COL25A1: variants seen among roughly 807,000 people sequenced by gnomAD.
The protein encoded by COL25A1 is collagen alpha-1(XXV) chain.
In COL25A1, 103 loss-of-function variants were observed where a neutral mutation model predicts 128.4. That is an observed-to-expected ratio of 0.80 (90% confidence interval 0.68 to 0.94). The LOEUF is 0.94. Ranked by LOEUF, COL25A1 falls within the 40% of genes least tolerant of loss-of-function variation. The pLI is 0.00. For synonymous variants in COL25A1, 279 were observed against 277.2 expected (o/e 1.01, Z -0.06); for missense variants, 745 against 840.0 (o/e 0.89, Z 1.40).
chr4:108,906,212 G>GC (rs1385387425), intron 13 of COL25A1, among the ~76,000 whole-genome samples: 1 of 152,000 alleles, frequency 6.6e-6, no homozygotes, highest in African/African-American at 2.4e-5. Context: ...CCCTTCTGCT[G>GC]CCCCCTCACA....
chr4:109,051,596 T>G, intron 3 of COL25A1, among the ~76,000 whole-genome samples: 1 of 140,764 alleles, frequency 7.1e-6, no homozygotes, highest in Admixed American at 7.4e-5. Context: ...ATAAAGTTAA[T>G]ACATCTGTTC....
intron 13 of COL25A1, among the ~76,000 whole-genome samples, chr4:108,912,840 T>A (rs540455179): frequency 6.6e-6 from 1 of 152,154 alleles, no homozygotes; most frequent in African/African-American, 2.4e-5. Flanking sequence ...TGAAGATTAA[T>A]GTCAGTGAAG....
At chr4:109,124,824 T>C (rs1365093995) in intron 3 of COL25A1, among the ~76,000 whole-genome samples, 1 of 152,036 alleles carries the variant, frequency 6.6e-6, no homozygotes, top group Middle Eastern at 3.2e-3. Flanking sequence ...ACCTTTCTTC[T>C]TTGGGTAGAA....
At chr4:109,070,909 C>A (rs1333458564) in intron 3 of COL25A1, among the ~76,000 whole-genome samples, 2 of 152,018 alleles carry the variant, frequency 1.3e-5, no homozygotes, top group Non-Finnish European at 1.5e-5. Flanking sequence ...TGTATATGTG[C>A]CACATTTTCT....
intron 3 of COL25A1, among the ~76,000 whole-genome samples, chr4:109,050,423 G>T (rs1364844): frequency 6.6e-6 from 1 of 151,354 alleles, no homozygotes; most frequent in African/African-American, 2.4e-5. Context: ...ACTAACGATT[G>T]GGAATTTTTG....
At chr4:108,890,632 GA>G (rs1483584055) in intron 16 of COL25A1, among the ~76,000 whole-genome samples, 1 of 152,090 alleles carries the variant, frequency 6.6e-6, no homozygotes, top group Non-Finnish European at 1.5e-5. Flanking sequence ...ATGCTAGAAG[GA>G]AAAAGAAAAG....
intron 31 of COL25A1, among the ~76,000 whole-genome samples, chr4:108,837,470 G>A (rs78038638): frequency 0.057 from 8,712 of 152,160 alleles, 403 homozygotes; most frequent in East Asian, 0.23. Context: ...AGAAAATGAA[G>A]AGCCTGGGGG....
intron 3 of COL25A1, among the ~76,000 whole-genome samples, chr4:109,209,828 G>A (rs555358356): frequency 6.6e-6 from 1 of 151,986 alleles, no homozygotes; most frequent in African/African-American, 2.4e-5. Context: ...TGGGCTGGGC[G>A]GATCATTTGA....
At chr4:108,928,534 T>G (rs7436728) in intron 11 of COL25A1, among the ~76,000 whole-genome samples, 1 of 151,624 alleles carries the variant, frequency 6.6e-6, no homozygotes, top group East Asian at 2.0e-4. Context: ...ATGTATTTAT[T>G]TATGTATTTA....
chr4:109,084,221 A>C (rs1764155474), intron 3 of COL25A1, among the ~76,000 whole-genome samples: 4 of 152,276 alleles, frequency 2.6e-5, no homozygotes, highest in African/African-American at 7.2e-5. Context: ...TTGAGGGCAA[A>C]GGACACATAT....
At chr4:109,014,864 C>T (rs1197182622) in intron 5 of COL25A1, among the ~76,000 whole-genome samples, 4 of 152,226 alleles carry the variant, frequency 2.6e-5, no homozygotes, top group Admixed American at 2.6e-4. Flanking sequence ...TTATCTAAAA[C>T]TTGGAATACA....
intron 3 of COL25A1, among the ~76,000 whole-genome samples, chr4:109,174,160 T>C (rs951480171): frequency 6.6e-6 from 1 of 152,208 alleles, no homozygotes; most frequent in African/African-American, 2.4e-5. Context: ...TCAGAATCTC[T>C]GATATTTATG....
At chr4:109,300,716 G>T in intron 2 of COL25A1, 64 bp from the exon 3 acceptor site, 1 of 1,130,982 alleles carries the variant, frequency 8.8e-7, no homozygotes, top group Non-Finnish European at 1.3e-6. Context: ...AGTCTTTAGG[G>T]ACTCTGGCCA....
chr4:108,852,657 A>G (rs770123094), intron 25 of COL25A1, among the ~76,000 whole-genome samples: 1 of 152,194 alleles, frequency 6.6e-6, no homozygotes, highest in Non-Finnish European at 1.5e-5. Context: ...ACCCTAAAGA[A>G]TAAAGCTATA....
At chr4:109,196,070 A>G (rs1342434116) in intron 3 of COL25A1, among the ~76,000 whole-genome samples, 3 of 152,246 alleles carry the variant, frequency 2.0e-5, no homozygotes, top group African/African-American at 4.8e-5. Context: ...TTGCTAGTGT[A>G]GTGGTCTTGG....
chr4:108,921,819 C>T (rs1745525775), intron 11 of COL25A1, among the ~76,000 whole-genome samples: 1 of 152,144 alleles, frequency 6.6e-6, no homozygotes, highest in Admixed American at 6.5e-5. Context: ...ACTCAACCAA[C>T]TGTTTAATGA....
At chr4:108,943,214 C>T (rs1408437540) in intron 8 of COL25A1, among the ~76,000 whole-genome samples, 1 of 152,130 alleles carries the variant, frequency 6.6e-6, no homozygotes, top group Non-Finnish European at 1.5e-5. Flanking sequence ...ATCTTAATTA[C>T]AAAATGTTAG....
chr4:109,138,772 G>A (rs1293189377), intron 3 of COL25A1, among the ~76,000 whole-genome samples: 2 of 151,900 alleles, frequency 1.3e-5, no homozygotes, highest in African/African-American at 2.4e-5. Flanking sequence ...GCAGTGGCAC[G>A]ATCTCAGCTC....
chr4:109,235,823 G>A (rs964995262), intron 3 of COL25A1, among the ~76,000 whole-genome samples: 2 of 151,980 alleles, frequency 1.3e-5, no homozygotes, highest in African/African-American at 4.8e-5. Context: ...TTACATTCAG[G>A]TGTAATTTCA....
Sources: allele counts gnomAD v4.1 joint callset (sites outside exome capture counted in the v4.1 genomes callset), GRCh38; gene constraint gnomAD v4.1.1; transcripts MANE v1.5; gene names NCBI Gene and HGNC (gene_info 2026-07-23, HGNC 2026-07-21).